The following TCF12 variants were observed in gnomAD, a reference collection of about 807,000 sequenced individuals.
TCF12 encodes transcription factor 12.
Under a neutral mutation model 86.0 loss-of-function variants are expected in TCF12, and 45 were observed. That is an observed-to-expected ratio of 0.52 (90% CI 0.41 to 0.67). The LOEUF is 0.67. Ranked by LOEUF, TCF12 falls within the 30% of genes least tolerant of loss-of-function variation. The pLI is 0.00. For synonymous variants in TCF12, 330 were observed against 299.6 expected, an observed-to-expected ratio of 1.10 and a Z score of -1.05; for missense variants, 881 against 859.9, an observed-to-expected ratio of 1.02 and a Z score of -0.31.
chr15:57,001,677 C>T (rs1397335774), intron 3 of TCF12, among the ~76,000 whole-genome samples: 1 of 152,122 alleles, frequency 6.6e-6, no homozygotes, highest in Non-Finnish European at 1.5e-5. Context: ...TCATGTGTTC[C>T]ACTCTCTCCC....
intron 5 of TCF12, among the ~76,000 whole-genome samples, chr15:57,136,917 C>T (rs1472615770): frequency 7.0e-6 from 1 of 143,882 alleles, no homozygotes; most frequent in African/African-American, 2.6e-5. Flanking sequence ...TCCCAATATG[C>T]TGGAATCACA....
chr15:57,131,507 C>T (rs1281505261), intron 5 of TCF12, among the ~76,000 whole-genome samples: 1 of 152,170 alleles, frequency 6.6e-6, no homozygotes, highest in Non-Finnish European at 1.5e-5. Flanking sequence ...ACTGTTTTTA[C>T]TTACTAATGC....
intron 14 of TCF12, 50 bp downstream of exon 14, chr15:57,251,473 G>A (rs1566987812): frequency 6.3e-7 from 1 of 1,579,664 alleles, no homozygotes; most frequent in South Asian, 1.1e-5. Flanking sequence ...GAGTTTGTTT[G>A]TTTTTGGTCA....
chr15:56,965,973 C>A (rs1438014540), intron 3 of TCF12, among the ~76,000 whole-genome samples: 1 of 151,974 alleles, frequency 6.6e-6, no homozygotes, highest in Admixed American at 6.6e-5. Context: ...ATTTTATTTT[C>A]TAAAACTTAC....
intron 3 of TCF12, among the ~76,000 whole-genome samples, chr15:57,054,416 G>T (rs2067845397): frequency 6.6e-6 from 1 of 152,186 alleles, no homozygotes; most frequent in Non-Finnish European, 1.5e-5. Flanking sequence ...CATTGGTATA[G>T]TGTTGTATGT....
chr15:57,156,933 G>T (rs1222447017), intron 5 of TCF12, among the ~76,000 whole-genome samples: 3 of 152,216 alleles, frequency 2.0e-5, no homozygotes, highest in Non-Finnish European at 4.4e-5. Context: ...GGTGGAAACA[G>T]AGTCAGTGTG....
At chr15:57,080,376 T>C (rs2070520459) in intron 4 of TCF12, among the ~76,000 whole-genome samples, 1 of 152,196 alleles carries the variant, frequency 6.6e-6, no homozygotes, top group Admixed American at 6.5e-5. Context: ...TAAGTAGAAA[T>C]GAAGACTTCC....
chr15:57,114,717 T>C (rs2050724879), intron 5 of TCF12, among the ~76,000 whole-genome samples: 1 of 152,206 alleles, frequency 6.6e-6, no homozygotes, highest in Non-Finnish European at 1.5e-5. Flanking sequence ...CAATTGTTTC[T>C]AATTTCACAA....
chr15:57,047,170 A>T (rs1278092430), intron 3 of TCF12, among the ~76,000 whole-genome samples: 1 of 152,222 alleles, frequency 6.6e-6, no homozygotes, highest in Non-Finnish European at 1.5e-5. Flanking sequence ...TTTGCTGTTG[A>T]CATTGCTTTT....
intron 19 of TCF12, among the ~76,000 whole-genome samples, chr15:57,279,018 A>T (rs1268110619): frequency 8.8e-6 from 1 of 113,680 alleles, no homozygotes; most frequent in African/African-American, 3.5e-5. Context: ...TTTCTTCCTC[A>T]GGGTTTTGCT....
chr15:57,080,654 A>G (rs1477239620), intron 4 of TCF12, among the ~76,000 whole-genome samples: 1 of 152,176 alleles, frequency 6.6e-6, no homozygotes, highest in African/African-American at 2.4e-5. Flanking sequence ...CTGACCCAAA[A>G]GATTTTGATA....
At chr15:57,029,369 T>C (rs945832327) in intron 3 of TCF12, among the ~76,000 whole-genome samples, 1 of 152,330 alleles carries the variant, frequency 6.6e-6, no homozygotes, top group Non-Finnish European at 1.5e-5. Flanking sequence ...GTTTTTCTTT[T>C]TAAAAATTAT....
At chr15:57,052,968 ACTAT>A (rs2067743280) in intron 3 of TCF12, among the ~76,000 whole-genome samples, 2 of 152,118 alleles carry the variant, frequency 1.3e-5, no homozygotes, top group South Asian at 2.1e-4. Flanking sequence ...GTTTTGGATA[ACTAT>A]CTAGTAGTGG....
intron 8 of TCF12, among the ~76,000 whole-genome samples, chr15:57,205,799 A>G (rs1399970053): frequency 3.3e-5 from 5 of 152,222 alleles, no homozygotes; most frequent in Admixed American, 6.5e-5. Flanking sequence ...TTTAATGTGT[A>G]GTTCTAAGAT....
At chr15:57,107,682 C>T (rs1454686489) in intron 5 of TCF12, among the ~76,000 whole-genome samples, 1 of 151,956 alleles carries the variant, frequency 6.6e-6, no homozygotes, top group East Asian at 1.9e-4. Context: ...GCTCAGAGTT[C>T]AAGACCAGCC....
At chr15:57,059,695 A>G (rs962126187) in intron 3 of TCF12, among the ~76,000 whole-genome samples, 1 of 115,938 alleles carries the variant, frequency 8.6e-6, no homozygotes, top group Non-Finnish European at 1.6e-5. Context: ...CAAACTCTGC[A>G]GTGTTAACAA....
At chr15:57,054,282 A>C (rs2067834267) in intron 3 of TCF12, among the ~76,000 whole-genome samples, 1 of 152,198 alleles carries the variant, frequency 6.6e-6, no homozygotes, top group Admixed American at 6.5e-5. Context: ...TAAATAGCAA[A>C]TTGTGTTAGG....
At chr15:56,961,012 C>A (rs2061725644) in intron 3 of TCF12, among the ~76,000 whole-genome samples, 1 of 151,080 alleles carries the variant, frequency 6.6e-6, no homozygotes, top group Admixed American at 6.6e-5. Flanking sequence ...TGGTGGCGGG[C>A]ACCTGTAATC....
intron 5 of TCF12, among the ~76,000 whole-genome samples, chr15:57,102,110 T>C (rs2049800323): frequency 6.6e-6 from 1 of 151,108 alleles, no homozygotes; most frequent in Non-Finnish European, 1.5e-5. Flanking sequence ...GCTTATCAAC[T>C]AAGCCATAAA....
Sources: gnomAD v4.1 joint callset for allele counts (sites outside exome capture counted in the v4.1 genomes callset) on GRCh38, gnomAD v4.1.1 for gene constraint, MANE v1.5 for transcripts, NCBI Gene and HGNC (gene_info 2026-07-23, HGNC 2026-07-21) for gene names.